Variants in CACNB2 observed in about 807,000 individuals in gnomAD.
CACNB2 encodes the protein calcium voltage-gated channel auxiliary subunit beta 2, also known as voltage-dependent L-type calcium channel subunit beta-2.
In CACNB2, 42 loss-of-function variants were observed where a neutral mutation model predicts 73.3. That is an observed-to-expected ratio of 0.57 (90% CI 0.45 to 0.74). The LOEUF is 0.74. Ranked by LOEUF, CACNB2 falls within the 30% of genes least tolerant of loss-of-function variation. The probability of loss-of-function intolerance (pLI) is 0.00; values close to 1 mark genes in which losing one functional copy is unlikely to be tolerated. For missense variants in CACNB2, 940 were observed against 853.0 expected (o/e 1.10, Z -1.27); for synonymous variants, 348 against 310.3 (o/e 1.12, Z -1.28).
At chr10:18,526,102 C>A (rs11014651) in intron 9 of CACNB2, among the ~76,000 whole-genome samples, 3,468 of 152,216 alleles carry the variant, frequency 0.023, 132 homozygotes, top group African/African-American at 0.079. Context: ...TGCTCATAGG[C>A]GGAGCTTGTC....
chr10:18,154,952 T>C (rs2031922334), intron 2 of CACNB2, among the ~76,000 whole-genome samples: 1 of 152,190 alleles, frequency 6.6e-6, no homozygotes, highest in Admixed American at 6.5e-5. Context: ...AATTAATTAT[T>C]GTTGAAACCA....
At chr10:18,516,179 C>G (rs1296185558) in intron 7 of CACNB2, among the ~76,000 whole-genome samples, 1 of 151,992 alleles carries the variant, frequency 6.6e-6, no homozygotes, top group Non-Finnish European at 1.5e-5. Flanking sequence ...CATGCCACTG[C>G]ACTCCGGCCT....
chr10:18,469,863 A>G (rs903389418), intron 3 of CACNB2, among the ~76,000 whole-genome samples: 2 of 152,166 alleles, frequency 1.3e-5, no homozygotes, highest in Non-Finnish European at 2.9e-5. Flanking sequence ...ATTAAAACCT[A>G]TTTAACCACA....
chr10:18,392,648 T>C (rs546613532), intron 2 of CACNB2, among the ~76,000 whole-genome samples: 79 of 152,246 alleles, frequency 5.2e-4, no homozygotes, highest in African/African-American at 1.9e-3. Flanking sequence ...AGTTTGCTGA[T>C]TCAAATGATT....
intron 2 of CACNB2, among the ~76,000 whole-genome samples, chr10:18,284,275 A>G (rs1250722015): frequency 6.6e-6 from 1 of 152,114 alleles, no homozygotes; most frequent in African/African-American, 2.4e-5. Context: ...CTTATTCACT[A>G]TCATGAGAAC....
At chr10:18,238,074 A>T (rs2036517196) in intron 2 of CACNB2, among the ~76,000 whole-genome samples, 1 of 152,182 alleles carries the variant, frequency 6.6e-6, no homozygotes, top group African/African-American at 2.4e-5. Context: ...GTTGGGCCAG[A>T]TGTAGACTGA....
intron 2 of CACNB2, among the ~76,000 whole-genome samples, chr10:18,285,055 C>T (rs1024621103): frequency 3.3e-5 from 5 of 152,180 alleles, no homozygotes; most frequent in African/African-American, 1.2e-4. Flanking sequence ...GTCAGCAGTT[C>T]TGTGCTCATC....
intron 2 of CACNB2, among the ~76,000 whole-genome samples, chr10:18,173,284 A>G (rs1399489185): frequency 1.3e-5 from 2 of 152,240 alleles, no homozygotes; most frequent in African/African-American, 2.4e-5. Context: ...AATAAGGATA[A>G]CTTATTAAAT....
At position 18,543,018 on chromosome 10, in the gene CACNB2, CCA is replaced by C. The variant is rs1440210387; in HGVS notation, c.*3297_*3298del. The C allele has an allele frequency of 1.3e-5, 2 of 151,768 alleles. No homozygotes were observed. Among genetic ancestry groups the C allele is most frequent in the East Asian group, 3.9e-4 (2 of 5,166 alleles). 9.4% of individuals were successfully genotyped at this position (151,768 alleles called of 1,614,324 possible). A position where few individuals can be genotyped will look rare whatever the true frequency, so the allele number is the denominator to read the frequency against. ...AGTCATGTTGTACTTTGGGACAATGCCACATTTTTAACATGGTCTGCTATGCA... is the reference window on the plus strand; with the variant it reads ...AGTCATGTTGTACTTTGGGACAATGCCATTTTTAACATGGTCTGCTATGCA... On this transcript the variant is annotated 3_prime_UTR_variant, in exon 14 of 14. Coordinates refer to ENST00000324631, the MANE Select transcript of CACNB2 (RefSeq NM_201596.3).
chr10:18,496,316 A>G (rs781383653), intron 3 of CACNB2, among the ~76,000 whole-genome samples: 3 of 152,072 alleles, frequency 2.0e-5, no homozygotes, highest in Non-Finnish European at 4.4e-5. Flanking sequence ...TTGTGACTAG[A>G]CCATAGTAAC....
intron 2 of CACNB2, among the ~76,000 whole-genome samples, chr10:18,201,971 C>T (rs767083732): frequency 6.6e-6 from 1 of 152,280 alleles, no homozygotes; most frequent in Non-Finnish European, 1.5e-5. Context: ...ATTTCTTCAA[C>T]AAGTGACAAA....
intron 2 of CACNB2, among the ~76,000 whole-genome samples, chr10:18,385,363 T>C (rs539786355): frequency 2.5e-4 from 24 of 96,244 alleles, no homozygotes; most frequent in African/African-American, 8.2e-4. Flanking sequence ...AGATTTGTAA[T>C]ACCCCCCCCC....
chr10:18,315,263 G>A (rs945100704), intron 2 of CACNB2, among the ~76,000 whole-genome samples: 3 of 151,942 alleles, frequency 2.0e-5, no homozygotes, highest in Non-Finnish European at 2.9e-5. Flanking sequence ...AAACTTGGGA[G>A]GTGGAGGTTG....
chr10:18,197,451 A>C (rs986735402), intron 2 of CACNB2, among the ~76,000 whole-genome samples: 2 of 152,154 alleles, frequency 1.3e-5, no homozygotes, highest in Non-Finnish European at 2.9e-5. Context: ...AGCAGGCCCC[A>C]ACACAGGCTT....
intron 2 of CACNB2, among the ~76,000 whole-genome samples, chr10:18,312,120 G>C (rs906949049): frequency 6.6e-6 from 1 of 151,960 alleles, no homozygotes; most frequent in Non-Finnish European, 1.5e-5. Context: ...TCCCAAGTAG[G>C]TAAATCTTAG....
chr10:18,393,460 CT>C (rs1214251217), intron 2 of CACNB2, among the ~76,000 whole-genome samples: 1 of 152,172 alleles, frequency 6.6e-6, no homozygotes, highest in African/African-American at 2.4e-5. Context: ...CCATCATACC[CT>C]CATGTTAAGG....
intron 2 of CACNB2, chr10:18,341,000 G>A (rs781342854): frequency 5.6e-6 from 9 of 1,612,596 alleles, no homozygotes; most frequent in East Asian, 4.5e-5. Flanking sequence ...GAGAGAAGCC[G>A]GCCAGATGCA....
At chr10:18,282,919 A>G (rs898528220) in intron 2 of CACNB2, among the ~76,000 whole-genome samples, 4 of 152,244 alleles carry the variant, frequency 2.6e-5, no homozygotes, top group African/African-American at 9.6e-5. Context: ...CAATCTACCC[A>G]TCTGACAAAG....
intron 2 of CACNB2, among the ~76,000 whole-genome samples, chr10:18,302,783 A>G (rs928305247): frequency 6.6e-6 from 1 of 152,162 alleles, no homozygotes; most frequent in African/African-American, 2.4e-5. Context: ...GTGCACCAAA[A>G]TCTCACACAT....
Sources: gnomAD v4.1 joint callset for allele counts (sites outside exome capture counted in the v4.1 genomes callset) on GRCh38, gnomAD v4.1.1 for gene constraint, MANE v1.5 for transcripts, NCBI Gene and HGNC (gene_info 2026-07-23, HGNC 2026-07-21) for gene names.